Variants in PLCH1 observed in about 807,000 individuals in gnomAD.
PLCH1 encodes 1-phosphatidylinositol 4,5-bisphosphate phosphodiesterase eta-1.
In PLCH1, 60 loss-of-function variants were observed where a neutral mutation model predicts 126.7. The observed-to-expected ratio is 0.47, with a 90% CI of 0.38 to 0.59. PLCH1 has a LOEUF of 0.59. Ranked by LOEUF, PLCH1 falls within the 20% of genes least tolerant of loss-of-function variation. PLCH1 has a pLI of 0.00. For missense variants in PLCH1, 1,723 were observed against 2,040.0 expected (o/e 0.84, Z 2.99); for synonymous variants, 719 against 734.9 (o/e 0.98, Z 0.35).
At position 155,723,180 on chromosome 3, in the gene PLCH1, T is replaced by C. The variant is rs1748076413; in HGVS notation, c.-40-18916A>G. Among the ~76,000 whole-genome samples, 3 of 152,154 alleles carry C rather than the reference T, an allele frequency of 2.0e-5. No individual in the cohort carries two copies. In the South Asian group the frequency reaches 6.2e-4, roughly 32 times the overall value. On this transcript the variant is annotated intron_variant, in intron 1 of 22. Coordinates refer to ENST00000460012, the MANE Select transcript of PLCH1 (RefSeq NM_014996.4). ...ATCAGTTGTAATATCTCCCATTTCA[T>C]CTCTAATTGAGTTTATTTAGATCAT...
At chr3:155,594,246 T>A in intron 3 of PLCH1, 62 bp from the exon 4 acceptor site, 2 of 1,484,074 alleles carry the variant, frequency 1.3e-6, no homozygotes, top group Non-Finnish European at 1.8e-6. Flanking sequence ...TTACATGCAC[T>A]AAGAAACAAG....
intron 10 of PLCH1, among the ~76,000 whole-genome samples, chr3:155,547,655 G>A (rs7636015): frequency 0.81 from 122,969 of 151,488 alleles, 51,733 homozygotes; most frequent in Middle Eastern, 0.95. Context: ...GTCCAAGAAT[G>A]ATAGACTGGA....
intron 10 of PLCH1, among the ~76,000 whole-genome samples, chr3:155,542,275 G>A (rs1254279109): frequency 7.9e-5 from 12 of 152,136 alleles, no homozygotes; most frequent in South Asian, 2.1e-4. Flanking sequence ...ATGGAGTCTC[G>A]CCGATTGCTA....
At chr3:155,657,016 G>A (rs1321242789) in intron 2 of PLCH1, among the ~76,000 whole-genome samples, 1 of 144,914 alleles carries the variant, frequency 6.9e-6, no homozygotes, top group African/African-American at 2.6e-5. Context: ...TATAATGGGA[G>A]AGAAGATTCT....
intron 9 of PLCH1, among the ~76,000 whole-genome samples, chr3:155,553,426 A>G (rs1726396652): frequency 6.6e-6 from 1 of 152,200 alleles, no homozygotes; most frequent in Admixed American, 6.5e-5. Flanking sequence ...ATGTTTCAAC[A>G]TGGGCCTAGA....
chr3:155,622,289 A>G (rs1003725452), intron 2 of PLCH1, among the ~76,000 whole-genome samples: 4 of 152,234 alleles, frequency 2.6e-5, no homozygotes, highest in Admixed American at 1.3e-4. Context: ...AACAACCAGT[A>G]CCAGCCACTG....
intron 1 of PLCH1, among the ~76,000 whole-genome samples, chr3:155,706,844 G>A (rs971873852): frequency 1.3e-5 from 2 of 152,088 alleles, no homozygotes; most frequent in African/African-American, 4.8e-5. Context: ...CTACCACACT[G>A]TAAGGAAGCC....
At chr3:155,546,769 A>AG (rs1725346471) in intron 10 of PLCH1, among the ~76,000 whole-genome samples, 1 of 149,774 alleles carries the variant, frequency 6.7e-6, no homozygotes, top group Non-Finnish European at 1.5e-5. Flanking sequence ...GACAAACCTG[A>AG]GAAAAACAAG....
At chr3:155,663,147 A>G (rs184632590) in intron 2 of PLCH1, among the ~76,000 whole-genome samples, 3 of 152,346 alleles carry the variant, frequency 2.0e-5, no homozygotes, top group Non-Finnish European at 4.4e-5. Context: ...TGTCCCTGTT[A>G]TGTAAATCTC....
intron 21 of PLCH1, among the ~76,000 whole-genome samples, chr3:155,463,023 T>G (rs991773428): frequency 6.6e-6 from 1 of 152,232 alleles, no homozygotes; most frequent in Admixed American, 6.5e-5. Flanking sequence ...GGCAGTCTTT[T>G]CGTATGGCTA....
intron 1 of PLCH1, among the ~76,000 whole-genome samples, chr3:155,725,237 T>C (rs544257719): frequency 7.9e-5 from 12 of 152,280 alleles, no homozygotes; most frequent in African/African-American, 2.9e-4. Context: ...CTTTTCTTTA[T>C]AGGCTACCTG....
chr3:155,638,715 T>C (rs1739024622), intron 2 of PLCH1, among the ~76,000 whole-genome samples: 1 of 152,252 alleles, frequency 6.6e-6, no homozygotes, highest in Admixed American at 6.5e-5. Flanking sequence ...AACTCTCTTG[T>C]TATTTAATTA....
chr3:155,620,828 G>A (rs879781066), intron 2 of PLCH1, among the ~76,000 whole-genome samples: 7 of 147,062 alleles, frequency 4.8e-5, no homozygotes, highest in Non-Finnish European at 1.0e-4. Context: ...GCAGCTGTGG[G>A]CGCAGCTTCA....
intron 21 of PLCH1, among the ~76,000 whole-genome samples, chr3:155,466,755 A>T (rs905366627): frequency 2.6e-5 from 4 of 152,228 alleles, no homozygotes; most frequent in Non-Finnish European, 5.9e-5. Context: ...AACACAGAGA[A>T]GGAATTCAGA....
At chr3:155,622,582 T>C in intron 2 of PLCH1, among the ~76,000 whole-genome samples, 1 of 117,132 alleles carries the variant, frequency 8.5e-6, no homozygotes, top group East Asian at 3.3e-4. Context: ...TCCAAGCAAA[T>C]GGAAAGCAAA....
At chr3:155,741,326 T>A (rs1475226853) in intron 1 of PLCH1, among the ~76,000 whole-genome samples, 1 of 152,200 alleles carries the variant, frequency 6.6e-6, no homozygotes, top group African/African-American at 2.4e-5. Context: ...TTGTTCAAAG[T>A]AATGAGTTCT....
chr3:155,744,204 A>G (rs2109228521), intron 1 of PLCH1, among the ~76,000 whole-genome samples: 2 of 152,290 alleles, frequency 1.3e-5, no homozygotes, highest in African/African-American at 4.8e-5. Flanking sequence ...TCAGTCGCCA[A>G]GGAAACGCCG....
intron 2 of PLCH1, among the ~76,000 whole-genome samples, chr3:155,646,206 A>G (rs1363513161): frequency 2.6e-5 from 4 of 152,182 alleles, no homozygotes. Context: ...TTAGGATACA[A>G]AAAAATAAAA....
chr3:155,496,568 A>G (rs990355097), intron 15 of PLCH1, among the ~76,000 whole-genome samples: 1 of 152,154 alleles, frequency 6.6e-6, no homozygotes, highest in African/African-American at 2.4e-5. Context: ...TGAGGACACA[A>G]TGTTGTTTTC....
Sources: gnomAD v4.1 joint callset for allele counts (sites outside exome capture counted in the v4.1 genomes callset) on GRCh38, gnomAD v4.1.1 for gene constraint, MANE v1.5 for transcripts, NCBI Gene and HGNC (gene_info 2026-07-23, HGNC 2026-07-21) for gene names.